Variants in MOB3B observed in about 807,000 individuals in gnomAD.
The protein encoded by MOB3B is MOB kinase activator-like 2B.
In MOB3B, 7 loss-of-function variants were observed where a neutral mutation model predicts 18.7. That is an observed-to-expected ratio of 0.37 (90% confidence interval 0.21 to 0.70). MOB3B has a LOEUF of 0.70. MOB3B is among the 30% of genes least tolerant of loss of function. The pLI, the probability that MOB3B is intolerant of heterozygous loss-of-function variation, is 0.52. For missense variants in MOB3B, 253 were observed against 281.3 expected, an observed-to-expected ratio of 0.90 and a Z score of 0.72; for synonymous variants, 111 against 99.9, an observed-to-expected ratio of 1.11 and a Z score of -0.66.
chr9:27,499,880 G>A (rs1055164321), intron 1 of MOB3B, among the ~76,000 whole-genome samples: 2 of 152,114 alleles, frequency 1.3e-5, no homozygotes, highest in African/African-American at 4.8e-5. Flanking sequence ...ATGTAAATTA[G>A]AATTATAATT....
intron 3 of MOB3B, 39 bp downstream of exon 3, chr9:27,358,995 G>C: frequency 1.3e-6 from 2 of 1,597,730 alleles, no homozygotes; most frequent in Non-Finnish European, 1.7e-6. Flanking sequence ...CCGAGCTCCT[G>C]GGGTGACTTG....
chr9:27,433,467 C>A (rs1372797246), intron 2 of MOB3B, among the ~76,000 whole-genome samples: 1 of 152,120 alleles, frequency 6.6e-6, no homozygotes, highest in Admixed American at 6.5e-5. Context: ...CAAACTTAAT[C>A]ATTTACTGTC....
At chr9:27,461,657 C>T (rs1190826067) in intron 1 of MOB3B, among the ~76,000 whole-genome samples, 1 of 152,226 alleles carries the variant, frequency 6.6e-6, no homozygotes, top group Non-Finnish European at 1.5e-5. Flanking sequence ...CTTCAATGGT[C>T]GTTTGAATTG....
At chr9:27,461,340 T>A (rs1819284418) in intron 1 of MOB3B, among the ~76,000 whole-genome samples, 1 of 152,222 alleles carries the variant, frequency 6.6e-6, no homozygotes, top group African/African-American at 2.4e-5. Context: ...CTGTTTACCT[T>A]ATGCCTACTT....
rs1046012931 is a variant in MOB3B, at chr9:27,352,394, A to G, written c.621+6640T>C. 4.6e-5 allele frequency among the ~76,000 whole-genome samples: 7 copies of G among 151,422 alleles called. No homozygotes were observed. The East Asian group carries it at 1.2e-3, about 25-fold the overall frequency. On this transcript the variant is annotated intron_variant, in intron 3 of 3. Coordinates refer to ENST00000262244, the MANE Select transcript of MOB3B (RefSeq NM_024761.5). Reference sequence around the variant, plus strand: ...CTCAAAAAAAAAAAAAAAAAAAAGTAACAAGTGTGAGGAGATGAAATAATA... The same window carrying G: ...CTCAAAAAAAAAAAAAAAAAAAAGTGACAAGTGTGAGGAGATGAAATAATA...
intron 2 of MOB3B, among the ~76,000 whole-genome samples, chr9:27,378,115 A>C (rs777104608): frequency 2.6e-5 from 4 of 152,222 alleles, no homozygotes; most frequent in Non-Finnish European, 5.9e-5. Flanking sequence ...GAAGGAACTG[A>C]AACTAAGAGA....
intron 1 of MOB3B, among the ~76,000 whole-genome samples, chr9:27,506,500 G>A (rs1587265485): frequency 6.6e-6 from 1 of 151,188 alleles, no homozygotes; most frequent in East Asian, 2.0e-4. Context: ...GGTAGGCACT[G>A]TGCCAGACCC....
intron 2 of MOB3B, among the ~76,000 whole-genome samples, chr9:27,366,665 T>C (rs1227942237): frequency 6.6e-6 from 1 of 152,178 alleles, no homozygotes; most frequent in Non-Finnish European, 1.5e-5. Flanking sequence ...TTCCCTTTTC[T>C]TTGGAAGAGA....
chr9:27,429,744 C>T (rs910651006), intron 2 of MOB3B, among the ~76,000 whole-genome samples: 4 of 152,090 alleles, frequency 2.6e-5, no homozygotes, highest in African/African-American at 9.7e-5. Flanking sequence ...TGGAAGATTG[C>T]CTAGTTTCAA....
intron 1 of MOB3B, among the ~76,000 whole-genome samples, chr9:27,501,515 C>G (rs1023217946): frequency 1.8e-4 from 27 of 151,196 alleles, no homozygotes; most frequent in African/African-American, 6.3e-4. Flanking sequence ...AAGCCAAACA[C>G]TGCATGTTCT....
At chr9:27,445,786 A>G (rs958811694) in intron 2 of MOB3B, among the ~76,000 whole-genome samples, 1 of 152,116 alleles carries the variant, frequency 6.6e-6, no homozygotes, top group South Asian at 2.1e-4. Flanking sequence ...CTGTCACATC[A>G]GGCATTAGGG....
chr9:27,403,516 ATTTTTTTTTTTTTTTT>A (rs74178385), intron 2 of MOB3B, among the ~76,000 whole-genome samples: 4 of 79,626 alleles, frequency 5.0e-5, no homozygotes, highest in Non-Finnish European at 7.1e-5. Context: ...CTCTTTACTA[ATTTTTTTTTTTTTTTT>A]TTTTTTTTTT....
At position 27,330,358 on chromosome 9, in the gene MOB3B, C is replaced by T; in HGVS notation, c.*229G>A. 4.0e-6 allele frequency: 2 copies of T among 504,424 alleles called. No individual in the cohort carries two copies. 31.2% of individuals were successfully genotyped at this position (504,424 alleles called of 1,614,324 possible). A position where few individuals can be genotyped will look rare whatever the true frequency, so the allele number is the denominator to read the frequency against. On this transcript the variant is annotated 3_prime_UTR_variant, in exon 4 of 4. Coordinates refer to ENST00000262244, the MANE Select transcript of MOB3B (RefSeq NM_024761.5). ...AGCCAGAACGGTCAAGGGGCTGGTC[C>T]TTCTTTCACGTTGTGGTCTGCCTCG...
chr9:27,524,669 C>T, intron 1 of MOB3B: 1 of 1,614,028 alleles, frequency 6.2e-7, no homozygotes, highest in East Asian at 2.2e-5. Flanking sequence ...AGAGACACCT[C>T]AAACAAATCC....
intron 3 of MOB3B, among the ~76,000 whole-genome samples, chr9:27,355,292 T>C (rs1440052992): frequency 1.3e-5 from 2 of 152,098 alleles, no homozygotes; most frequent in Non-Finnish European, 2.9e-5. Context: ...AGTTCCATAC[T>C]GTGGAATCCC....
At chr9:27,441,508 T>C (rs1253063071) in intron 2 of MOB3B, among the ~76,000 whole-genome samples, 1 of 152,212 alleles carries the variant, frequency 6.6e-6, no homozygotes, top group African/African-American at 2.4e-5. Context: ...CCCAGATATC[T>C]ACTAAATGAG....
rs191862917 is a variant in MOB3B, at chr9:27,398,077, T to A, written c.419-38841A>T. ...GCATGCCTTCTTCAGGAATCCCAGATCAGCATTCTGGGTTACCTCAGTAGA... is the reference window on the plus strand; with the variant it reads ...GCATGCCTTCTTCAGGAATCCCAGAACAGCATTCTGGGTTACCTCAGTAGA... On this transcript the variant is annotated intron_variant, in intron 2 of 3. Transcript: ENST00000262244. 2.0e-4 allele frequency among the ~76,000 whole-genome samples: 31 copies of A among 152,334 alleles called. No homozygotes were observed. In the East Asian group the frequency reaches 5.0e-3, roughly 25 times the overall value.
At position 27,455,192 on chromosome 9, in the gene MOB3B, A is replaced by T; in HGVS notation, c.359T>A (p.Leu120His). 6.2e-7 allele frequency: 1 copy of T among 1,614,146 alleles called. No individual in the cohort carries two copies. Reference protein sequence around the residue: ...TALPAPQYMNLLMDWIEVQIN... With the variant: ...TALPAPQYMNHLMDWIEVQIN... ...CTGAACCTCAATCCAATCCATAAGAAGGTTCATGTACTGGGGAGCTGGCAG... is the reference window on the plus strand; with the variant it reads ...CTGAACCTCAATCCAATCCATAAGATGGTTCATGTACTGGGGAGCTGGCAG... Residue 120 changes from leucine to histidine, a missense_variant, in exon 2 of 4, where the codon CTT becomes CAT. Physicochemically the swap from Leu to His is moderately conservative, Grantham distance 99 (BLOSUM62 -3). Transcript: ENST00000262244.
intron 2 of MOB3B, among the ~76,000 whole-genome samples, chr9:27,376,173 A>G (rs560572355): frequency 1.3e-5 from 2 of 152,312 alleles, no homozygotes; most frequent in African/African-American, 4.8e-5. Flanking sequence ...TGAACAATGA[A>G]TCACCATATA....
Sources: allele counts gnomAD v4.1 joint callset (sites outside exome capture counted in the v4.1 genomes callset), GRCh38; gene constraint gnomAD v4.1.1; transcripts MANE v1.5; gene names NCBI Gene and HGNC (gene_info 2026-07-23, HGNC 2026-07-21).